Variants in VPS13C observed in about 807,000 individuals in gnomAD.
VPS13C encodes the protein intermembrane lipid transfer protein VPS13C.
In VPS13C, 358 loss-of-function variants were observed where a neutral mutation model predicts 456.8. That is an observed-to-expected ratio of 0.78 (90% confidence interval 0.72 to 0.86). The LOEUF is 0.86. Among genes scored for constraint, VPS13C ranks in the 40% least tolerant of loss-of-function variants. VPS13C has a pLI of 0.00. For missense variants in VPS13C, 4,818 were observed against 4,385.4 expected, an observed-to-expected ratio of 1.10 and a Z score of -2.79; for synonymous variants, 1,578 against 1,486.7, an observed-to-expected ratio of 1.06 and a Z score of -1.41.
chr15:61,981,886 TA>T (rs539451724), intron 21 of VPS13C, among the ~76,000 whole-genome samples: 39 of 145,914 alleles, frequency 2.7e-4, no homozygotes, highest in South Asian at 1.1e-3. Flanking sequence ...AAATAAAAAA[TA>T]AAAAAAAAAG....
At chr15:61,968,273 T>TA (rs1228423440) in intron 28 of VPS13C, among the ~76,000 whole-genome samples, 3 of 151,542 alleles carry the variant, frequency 2.0e-5, no homozygotes, top group Non-Finnish European at 4.4e-5. Context: ...ATTGAAATAT[T>TA]AAAAAAAATT....
At chr15:61,950,269 T>A in intron 41 of VPS13C, 89 bp downstream of exon 41, 1 of 936,614 alleles carries the variant, frequency 1.1e-6, no homozygotes, top group Non-Finnish European at 1.7e-6. Flanking sequence ...ATTCTCACGT[T>A]AGAACTTACA....
intron 67 of VPS13C, among the ~76,000 whole-genome samples, chr15:61,888,260 T>C (rs1896411141): frequency 6.6e-6 from 1 of 152,212 alleles, no homozygotes; most frequent in Admixed American, 6.5e-5. Context: ...GCAAAAATGA[T>C]GCAACCACTT....
chr15:61,900,146 A>G (rs2042952526), intron 66 of VPS13C, among the ~76,000 whole-genome samples: 1 of 152,162 alleles, frequency 6.6e-6, no homozygotes, highest in Non-Finnish European at 1.5e-5. Context: ...ACAAACCCAC[A>G]GCCAATATCA....
intron 22 of VPS13C, among the ~76,000 whole-genome samples, chr15:61,980,567 G>A (rs2045851153): frequency 6.6e-6 from 1 of 151,906 alleles, no homozygotes; most frequent in African/African-American, 2.4e-5. Flanking sequence ...GATTTCCTAT[G>A]AGAAATCATT....
At chr15:62,037,191 A>G (rs1475364684) in intron 3 of VPS13C, among the ~76,000 whole-genome samples, 1 of 116,080 alleles carries the variant, frequency 8.6e-6, no homozygotes, top group Admixed American at 1.2e-4. Flanking sequence ...AAATATAAAT[A>G]TAATAAATAT....
intron 2 of VPS13C, among the ~76,000 whole-genome samples, chr15:62,043,065 T>A (rs1019726302): frequency 1.3e-5 from 2 of 151,926 alleles, no homozygotes; most frequent in Non-Finnish European, 2.9e-5. Flanking sequence ...TATATTGTCA[T>A]AAATAGAGAA....
chr15:62,015,237 G>A (rs185579121), intron 9 of VPS13C, among the ~76,000 whole-genome samples: 38 of 152,096 alleles, frequency 2.5e-4, no homozygotes, highest in African/African-American at 8.4e-4. Context: ...TGTTTTTGTC[G>A]AAAGCTACCT....
intron 55 of VPS13C, among the ~76,000 whole-genome samples, chr15:61,921,082 T>G (rs1296643466): frequency 6.6e-6 from 1 of 152,122 alleles, no homozygotes; most frequent in African/African-American, 2.4e-5. Context: ...AATATTAATA[T>G]AATAAACACT....
chr15:61,993,604 A>G (rs1158622795), intron 16 of VPS13C, among the ~76,000 whole-genome samples: 1 of 152,134 alleles, frequency 6.6e-6, no homozygotes, highest in East Asian at 1.9e-4. Context: ...ATTTAAAAAT[A>G]AACTGAAAAT....
intron 37 of VPS13C, among the ~76,000 whole-genome samples, chr15:61,955,576 AC>A (rs2044963485): frequency 6.6e-6 from 1 of 152,168 alleles, no homozygotes; most frequent in Non-Finnish European, 1.5e-5. Flanking sequence ...CCTAACTATC[AC>A]CTTACTCCAT....
intron 48 of VPS13C, chr15:61,935,682 T>C (rs1198988164): frequency 6.6e-6 from 1 of 152,248 alleles, no homozygotes; most frequent in Non-Finnish European, 1.5e-5. Flanking sequence ...TGGGGAGATG[T>C]TGACCTCATC....
intron 20 of VPS13C, among the ~76,000 whole-genome samples, chr15:61,982,911 C>T (rs1486824087): frequency 6.6e-6 from 1 of 152,136 alleles, no homozygotes; most frequent in Non-Finnish European, 1.5e-5. Flanking sequence ...ATTAGATTCC[C>T]TTGCACTTTG....
At position 61,934,276 on chromosome 15, in the gene VPS13C, T is replaced by C. The variant is rs765662895; in HGVS notation, c.5811A>G (p.Gln1937=). The change falls in exon 49 of 85, where the codon CAA becomes CAG. Residue 1937 remains glutamine (Q), a synonymous_variant. Transcript: ENST00000644861. ...KLSMNQIVSL[Q]FDFHFESLSI... ...AAAGAGATTCAAAGTGAAAGTCAAA[T>C]TGGAGACTGACAATCTGGTTCATAG... The C allele has an allele frequency of 8.1e-6, 13 of 1,598,282 alleles. No individual in the cohort carries two copies. The highest frequency in any genetic ancestry group is 6.7e-5 in the African/African-American group (5 of 74,468).
chr15:61,963,046 G>T (rs925601065), intron 32 of VPS13C, among the ~76,000 whole-genome samples, 194 bp from the exon 33 acceptor site: 1 of 152,012 alleles, frequency 6.6e-6, no homozygotes, highest in African/African-American at 2.4e-5. Flanking sequence ...ATTAAACAAT[G>T]ATTATGTGAC....
chr15:61,911,228 A>C (rs116213281), intron 63 of VPS13C, among the ~76,000 whole-genome samples: 2 of 151,932 alleles, frequency 1.3e-5, no homozygotes, highest in Non-Finnish European at 2.9e-5. Flanking sequence ...CATTTGCTTC[A>C]CCTCCTCTAA....
chr15:61,936,720 A>C lies in VPS13C; in HGVS notation c.5632T>G (p.Leu1878Val), dbSNP rs1214715900. ...AGATTTTCTAGCAAAATTTTCATTA[A>C]AACTGTCAAGTCATCTTCACTGAGA... ...VALSEDDLTV[L>V]MKILLENLGE... The change falls in exon 48 of 85, where the codon TTA becomes GTA. Residue 1878 changes from leucine to valine, a missense_variant. Transcript: ENST00000644861. 1 of 1,613,218 alleles carries C rather than the reference A, an allele frequency of 6.2e-7. No homozygotes were observed. The highest frequency in any genetic ancestry group is 8.5e-7 in the Non-Finnish European group (1 of 1,179,676).
chr15:61,982,406 AG>A (rs1196450513), intron 21 of VPS13C, 52 bp downstream of exon 21: 17 of 1,385,614 alleles, frequency 1.2e-5, no homozygotes, highest in Non-Finnish European at 1.5e-5. Flanking sequence ...ACATTAGAGT[AG>A]GCAAAATTTT....
intron 27 of VPS13C, among the ~76,000 whole-genome samples, chr15:61,971,047 C>T (rs1409313010): frequency 6.6e-6 from 1 of 151,996 alleles, no homozygotes; most frequent in Non-Finnish European, 1.5e-5. Context: ...GTAATAATGG[C>T]ACATGATCAA....
Sources: allele counts gnomAD v4.1 joint callset (sites outside exome capture counted in the v4.1 genomes callset), GRCh38; gene constraint gnomAD v4.1.1; transcripts MANE v1.5; gene names NCBI Gene and HGNC (gene_info 2026-07-23, HGNC 2026-07-21).